The following AGBL4 variants were observed in gnomAD, a reference collection of about 807,000 sequenced individuals.
The protein encoded by AGBL4 is AGBL carboxypeptidase 4.
AGBL4 carries 58 observed loss-of-function variants against 66.4 expected under a neutral mutation model. The ratio of observed to expected loss-of-function variants is 0.87; its 90% CI spans 0.71 to 1.09. The LOEUF (loss-of-function observed/expected upper bound fraction) is 1.09. AGBL4 is among the 50% of genes least tolerant of loss of function. The pLI, the probability that AGBL4 is intolerant of heterozygous loss-of-function variation, is 0.00. For synonymous variants in AGBL4, 234 were observed against 222.9 expected (o/e 1.05, Z -0.44); for missense variants, 579 against 631.0 (o/e 0.92, Z 0.88).
intron 1 of AGBL4, among the ~76,000 whole-genome samples, chr1:49,880,056 A>G (rs939933863): frequency 6.6e-6 from 1 of 151,388 alleles, no homozygotes; most frequent in Admixed American, 6.6e-5. Context: ...CTAGTTATAC[A>G]TTCCTCTAAA....
intron 8 of AGBL4, among the ~76,000 whole-genome samples, chr1:48,635,716 C>T (rs1320682972): frequency 6.6e-6 from 1 of 152,170 alleles, no homozygotes; most frequent in African/African-American, 2.4e-5. Flanking sequence ...ACTCTCCCTA[C>T]CCCACATCCT....
intron 2 of AGBL4, among the ~76,000 whole-genome samples, chr1:49,792,923 A>T (rs1644637280): frequency 6.6e-6 from 1 of 152,036 alleles, no homozygotes; most frequent in Admixed American, 6.6e-5. Flanking sequence ...CAAATTTCTT[A>T]TTTGTTTAAT....
intron 1 of AGBL4, among the ~76,000 whole-genome samples, chr1:49,898,373 T>C (rs1164175597): frequency 6.6e-6 from 1 of 151,978 alleles, no homozygotes; most frequent in Non-Finnish European, 1.5e-5. Flanking sequence ...GGTGCTCAAA[T>C]TCATTGATCA....
chr1:49,822,134 G>GA (rs1200677958), intron 2 of AGBL4, among the ~76,000 whole-genome samples: 1 of 151,272 alleles, frequency 6.6e-6, no homozygotes, highest in African/African-American at 2.4e-5. Flanking sequence ...TTCTTTTCCA[G>GA]AAAAAAAATT....
intron 3 of AGBL4, among the ~76,000 whole-genome samples, chr1:49,294,582 C>T (rs1372250714): frequency 6.6e-6 from 1 of 152,132 alleles, no homozygotes; most frequent in Non-Finnish European, 1.5e-5. Flanking sequence ...TTGTGCTTTC[C>T]CACATCTAAA....
At chr1:49,332,738 A>G (rs968241747) in intron 3 of AGBL4, among the ~76,000 whole-genome samples, 6 of 152,212 alleles carry the variant, frequency 3.9e-5, no homozygotes, top group African/African-American at 1.4e-4. Context: ...GCTCCAAGAC[A>G]ATGAAAATTA....
chr1:48,628,710 C>T (rs1369100280), intron 9 of AGBL4, among the ~76,000 whole-genome samples: 1 of 152,010 alleles, frequency 6.6e-6, no homozygotes, highest in African/African-American at 2.4e-5. Context: ...ATGCCCTCTC[C>T]CCTTTCCCTA....
chr1:48,695,484 T>C (rs1444337602), intron 6 of AGBL4, among the ~76,000 whole-genome samples: 1 of 152,244 alleles, frequency 6.6e-6, no homozygotes, highest in African/African-American at 2.4e-5. Context: ...AATTGAGTAA[T>C]GCCATTAACA....
intron 2 of AGBL4, among the ~76,000 whole-genome samples, chr1:49,848,756 T>C (rs1310092997): frequency 6.6e-6 from 1 of 152,224 alleles, no homozygotes; most frequent in Non-Finnish European, 1.5e-5. Flanking sequence ...ACTTTACCAC[T>C]ACGCAATATA....
At chr1:48,546,771 G>T (rs1022160042) in intron 11 of AGBL4, among the ~76,000 whole-genome samples, 6 of 151,638 alleles carry the variant, frequency 4.0e-5, no homozygotes, top group Non-Finnish European at 7.4e-5. Context: ...AAGGCTCAGG[G>T]TATACTATGG....
chr1:49,845,984 A>G, intron 2 of AGBL4: 1 of 1,581,980 alleles, frequency 6.3e-7, no homozygotes. Flanking sequence ...GCGAAACCAC[A>G]CTGAGGAGAA....
chr1:49,177,483 C>T (rs941592325), intron 4 of AGBL4, among the ~76,000 whole-genome samples: 18 of 152,172 alleles, frequency 1.2e-4, no homozygotes, highest in Middle Eastern at 3.2e-3. Flanking sequence ...ATGGGTTTGA[C>T]ATGCCTATTT....
At chr1:49,976,007 G>A (rs375069667) in intron 1 of AGBL4, among the ~76,000 whole-genome samples, 1 of 152,128 alleles carries the variant, frequency 6.6e-6, no homozygotes, top group Non-Finnish European at 1.5e-5. Flanking sequence ...TGTCAGTTAT[G>A]TCTGTTTAAG....
intron 9 of AGBL4, among the ~76,000 whole-genome samples, chr1:48,616,571 TC>T (rs1231250333): frequency 2.6e-5 from 4 of 152,086 alleles, no homozygotes; most frequent in Non-Finnish European, 5.9e-5. Context: ...AATTACTTCA[TC>T]CCCCGAGCTT....
intron 3 of AGBL4, among the ~76,000 whole-genome samples, chr1:49,595,157 C>T (rs1230211272): frequency 1.3e-5 from 2 of 152,082 alleles, no homozygotes; most frequent in Non-Finnish European, 2.9e-5. Flanking sequence ...GGCACGATCT[C>T]GGCCCACTGC....
At chr1:48,663,286 G>T in intron 6 of AGBL4, 45 bp from the exon 7 acceptor site, 1 of 1,596,300 alleles carries the variant, frequency 6.3e-7, no homozygotes, top group African/African-American at 1.3e-5. Context: ...GGCAAGAAAA[G>T]CTGAGTCTAG....
intron 9 of AGBL4, among the ~76,000 whole-genome samples, chr1:48,624,421 CA>C (rs1240463647): frequency 3.3e-5 from 5 of 152,130 alleles, no homozygotes; most frequent in Non-Finnish European, 7.4e-5. Context: ...GATGGAGAAA[CA>C]AAATGAAAAA....
intron 6 of AGBL4, among the ~76,000 whole-genome samples, chr1:48,737,991 T>G (rs1423228335): frequency 6.6e-6 from 1 of 152,206 alleles, no homozygotes; most frequent in African/African-American, 2.4e-5. Context: ...CAGAGACATC[T>G]CTGGAGAGGT....
chr1:48,539,518 C>T, intron 12 of AGBL4, 124 bp downstream of exon 12: 1 of 694,894 alleles, frequency 1.4e-6, no homozygotes, highest in Non-Finnish European at 2.1e-6. Context: ...GTGGCAGGGC[C>T]AGGATTATCT....
Sources: allele counts gnomAD v4.1 joint callset (sites outside exome capture counted in the v4.1 genomes callset), GRCh38; gene constraint gnomAD v4.1.1; transcripts MANE v1.5; gene names NCBI Gene and HGNC (gene_info 2026-07-23, HGNC 2026-07-21).